The following PRR4 variants were observed in gnomAD, a reference collection of about 807,000 sequenced individuals.
The protein encoded by PRR4 is proline-rich protein 4.
A neutral mutation model predicts 7.6 loss-of-function variants in PRR4; 7 were observed. The observed-to-expected ratio is 0.92, with a 90% confidence interval of 0.52 to 1.73. PRR4 has a LOEUF of 1.73. Among genes scored for constraint, PRR4 ranks in the 40% most tolerant of loss-of-function variants. The pLI is 0.00. For missense variants in PRR4, 187 were observed against 161.0 expected (o/e 1.16, Z -0.87); for synonymous variants, 64 against 58.5 (o/e 1.09, Z -0.43).
chr12:10,847,222 A>G lies in PRR4; in HGVS notation c.246T>C (p.His82=), dbSNP rs1949030776. The G allele has an allele frequency of 6.2e-7, 1 of 1,613,386 alleles. No homozygotes were observed. The highest frequency in any genetic ancestry group is 8.5e-7 in the Non-Finnish European group (1 of 1,179,804). ...RPPKPGGHHR[H]PPPPPFQNQQ... is the part of the protein sequence containing the mutation. ...GATTTTGAAAAGGAGGTGGGGGAGG[A>G]TGGCGGTGATGGCCTCCTGGTTTTG... is the stretch of plus-strand genomic sequence containing the variant. The change falls in exon 3 of 4, where the codon CAT becomes CAC. Residue 82 remains histidine, a synonymous_variant. Transcript: ENST00000228811.
In PRR4 at chr12:10,847,351, A is replaced by C. The variant is rs369308893; in HGVS notation, c.117T>G (p.Ser39Arg). Residue 39 changes from serine (S) to arginine (R), a missense_variant, in exon 3 of 4, where the codon AGT becomes AGG. Transcript: ENST00000228811. ...TFTIPDVEDS[S>R]QRPDQGPQRP... is the part of the protein sequence containing the mutation. Reference sequence around the variant, plus strand: ...TCTGGGGTCCCTGATCTGGTCTCTGACTTGAGTCCTCTACATCTGTGTGAG... The same window carrying C: ...TCTGGGGTCCCTGATCTGGTCTCTGCCTTGAGTCCTCTACATCTGTGTGAG... The C allele has an allele frequency of 6.5e-7, 1 of 1,538,274 alleles. No individual in the cohort carries two copies. Among genetic ancestry groups the C allele is most frequent in the Non-Finnish European group, 8.8e-7 (1 of 1,141,944 alleles).
In PRR4 at chr12:10,848,230, G is replaced by A. The variant is rs568178647; in HGVS notation, c.100+142C>T. On this transcript the variant is annotated intron_variant, in intron 2 of 3. Coordinates refer to ENST00000228811, the MANE Select transcript of PRR4 (RefSeq NM_007244.3). The stretch of plus-strand genomic sequence containing the variant: ...GGTAAGAATTGCCTATATATTTAGG[G>A]GCACTAATATTAATCAATGCCTGAC... 234 of 699,984 alleles carry A rather than the reference G, an allele frequency of 3.3e-4. 3 individuals carry two copies. In the East Asian group the frequency reaches 6.4e-3, roughly 19 times the overall value. 43.4% of individuals were successfully genotyped at this position (699,984 alleles called of 1,614,324 possible).
At position 10,847,151 on chromosome 12, in the gene PRR4, C is replaced by A; in HGVS notation, c.317G>T (p.Arg106Leu). The A allele has an allele frequency of 6.2e-7, 1 of 1,613,260 alleles. No homozygotes were observed. The highest frequency in any genetic ancestry group is 8.5e-7 in the Non-Finnish European group (1 of 1,179,554). ...TTCCTGCAGGCTGACAGAAGGAAAT[C>A]GGGGTAGAGAGAGTTGACGGTGTCC... ...RRGHRQLSLP[R>L]FPSVSLQEAS... Residue 106 changes from arginine (R) to leucine (L), a missense_variant, in exon 3 of 4, where the codon CGA becomes CTA. Transcript: ENST00000228811.
chr12:10,848,325 G>T, intron 2 of PRR4, 47 bp downstream of exon 2: 2 of 1,558,964 alleles, frequency 1.3e-6, no homozygotes, highest in Non-Finnish European at 1.8e-6. Context: ...AGAAATTCTA[G>T]TGGAAAAAGA....
intron 1 of PRR4, chr12:10,848,677 A>G (rs1470353636): frequency 2.6e-6 from 1 of 380,858 alleles, no homozygotes; most frequent in Non-Finnish European, 4.6e-6. Flanking sequence ...ATTTAGGCAC[A>G]CTTCTCTGGG....
rs1379638664 is a variant in PRR4, at chr12:10,845,896, C to A, written c.*73G>T. On this transcript the variant is annotated 3_prime_UTR_variant, in exon 4 of 4. Transcript: ENST00000228811. Reference sequence around the variant, plus strand: ...TGGTATACTGAAGAAAGAGTTATGACCACATTATTTCAATGTCATGGCTTT... The same window carrying A: ...TGGTATACTGAAGAAAGAGTTATGAACACATTATTTCAATGTCATGGCTTT... 2.4e-6 allele frequency: 3 copies of A among 1,276,346 alleles called. No homozygotes were observed. The highest frequency in any genetic ancestry group is 3.1e-5 in the Admixed American group (1 of 32,584). The allele number at this position is 1,276,346 out of a possible 1,614,324, so 79.1% of individuals were successfully genotyped here.
At chr12:10,847,513 T>G (rs1044842884) in intron 2 of PRR4, 146 bp from the exon 3 acceptor site, 1 of 515,518 alleles carries the variant, frequency 1.9e-6, no homozygotes, top group Admixed American at 4.0e-5. Flanking sequence ...CACTGTTTTT[T>G]TTTTCTTTTT....
intron 2 of PRR4, 62 bp downstream of exon 2, chr12:10,848,310 T>G: frequency 6.5e-7 from 1 of 1,532,452 alleles, no homozygotes; most frequent in South Asian, 1.2e-5. Context: ...TGAAGGAAAC[T>G]AAAAAGAAAT....
rs761979207 is a variant in PRR4 at position 10,845,900 on chromosome 12, A to C, written c.*69T>G. 2.3e-6 allele frequency: 3 copies of C among 1,297,712 alleles called. No homozygotes were observed. Among genetic ancestry groups the C allele is most frequent in the Non-Finnish European group, 3.0e-6 (3 of 989,486 alleles). The allele number at this position is 1,297,712 out of a possible 1,614,324, so 80.4% of individuals were successfully genotyped here. On this transcript the variant is annotated 3_prime_UTR_variant, in exon 4 of 4. Coordinates refer to ENST00000228811, the MANE Select transcript of PRR4 (RefSeq NM_007244.3). ...ATACTGAAGAAAGAGTTATGACCAC[A>C]TTATTTCAATGTCATGGCTTTCTGA...
chr12:10,848,335 A>G (rs2227296), intron 2 of PRR4, 37 bp downstream of exon 2: 382,524 of 1,571,928 alleles, frequency 0.24, 47,520 homozygotes, highest in Non-Finnish European at 0.25. Flanking sequence ...GTGGAAAAAG[A>G]AAGAAAAGAA....
In PRR4 at chr12:10,847,425, T is replaced by C; in HGVS notation, c.101-58A>G. On this transcript the variant is annotated intron_variant, in intron 2 of 3. Transcript: ENST00000228811. The stretch of plus-strand genomic sequence containing the variant: ...AGCTCAGTGAAGAAAAACTCTCCTC[T>C]CTTTATACTTCTCTCACCTTACCAC... 3 of 1,309,604 alleles carry C rather than the reference T, an allele frequency of 2.3e-6. No individual in the cohort carries two copies. In the South Asian group the frequency reaches 5.5e-5, roughly 24 times the overall value. The allele number at this position is 1,309,604 out of a possible 1,614,324, so 81.1% of individuals were successfully genotyped here. A position where few individuals can be genotyped will look rare whatever the true frequency, so the allele number is the denominator to read the frequency against.
At position 10,845,913 on chromosome 12, in the gene PRR4, C is replaced by T; in HGVS notation, c.*56G>A. 1 of 1,321,112 alleles carries T rather than the reference C, an allele frequency of 7.6e-7. No individual in the cohort carries two copies. The highest frequency in any genetic ancestry group is 9.9e-7 in the Non-Finnish European group (1 of 1,007,960). 81.8% of individuals were successfully genotyped at this position (1,321,112 alleles called of 1,614,324 possible). Reference sequence around the variant, plus strand: ...AGTTATGACCACATTATTTCAATGTCATGGCTTTCTGAAGGAAGTTATCTT... The same window carrying T: ...AGTTATGACCACATTATTTCAATGTTATGGCTTTCTGAAGGAAGTTATCTT... On this transcript the variant is annotated 3_prime_UTR_variant, in exon 4 of 4. Coordinates refer to ENST00000228811, the MANE Select transcript of PRR4 (RefSeq NM_007244.3).
At position 10,847,111 on chromosome 12, in the gene PRR4, G is replaced by A; in HGVS notation, c.357C>T (p.Phe119=). Reference sequence around the variant, plus strand: ...GATGTCTTGCTGGTCTGTCCCTCTGGAAGAATGATGATGCTTCCTGCAGGC... The same window carrying A: ...GATGTCTTGCTGGTCTGTCCCTCTGAAAGAATGATGATGCTTCCTGCAGGC... ...SVSLQEASSF[F]QRDRPARHPQ... Residue 119 remains phenylalanine, a synonymous_variant, in exon 3 of 4, where the codon TTC becomes TTT. Transcript: ENST00000228811. 1 of 1,611,508 alleles carries A rather than the reference G, an allele frequency of 6.2e-7. No homozygotes were observed. The highest frequency in any genetic ancestry group is 8.5e-7 in the Non-Finnish European group (1 of 1,178,442).
intron 2 of PRR4, 73 bp downstream of exon 2, chr12:10,848,299 C>T (rs1055628165): frequency 3.4e-6 from 5 of 1,471,392 alleles, no homozygotes; most frequent in Non-Finnish European, 4.7e-6. Flanking sequence ...GAAGAAGACA[C>T]TGAAGGAAAC....
At position 10,848,656 on chromosome 12, in the gene PRR4, C is replaced by T. The variant is rs376701876; in HGVS notation, c.65-249G>A. Reference sequence around the variant, plus strand: ...TTTGTCATCCTTAGGATCCCTCAAACCCTAATGCTAATTTAGGCACACTTC... The same window carrying T: ...TTTGTCATCCTTAGGATCCCTCAAATCCTAATGCTAATTTAGGCACACTTC... On this transcript the variant is annotated intron_variant, in intron 1 of 3. Transcript: ENST00000228811. 110 of 399,198 alleles carry T rather than the reference C, an allele frequency of 2.8e-4. No homozygotes were observed. In the Middle Eastern group the frequency reaches 4.5e-3, roughly 16 times the overall value. The allele number at this position is 399,198 out of a possible 1,614,324, so 24.7% of individuals were successfully genotyped here. A position where few individuals can be genotyped will look rare whatever the true frequency, so the allele number is the denominator to read the frequency against.
chr12:10,846,062 A>C (rs1014753955), intron 3 of PRR4, 112 bp from the exon 4 acceptor site: 17 of 747,172 alleles, frequency 2.3e-5, no homozygotes, highest in Non-Finnish European at 2.8e-5. Context: ...AAGATTAAGA[A>C]AACAGATTTT....
intron 1 of PRR4, 60 bp from the exon 2 acceptor site, chr12:10,848,467 G>A: frequency 6.5e-7 from 1 of 1,537,726 alleles, no homozygotes; most frequent in Non-Finnish European, 8.9e-7. Flanking sequence ...AGGGCTCATA[G>A]TGGTCTATAG....
At chr12:10,846,034 A>G in intron 3 of PRR4, 84 bp from the exon 4 acceptor site, 1 of 938,332 alleles carries the variant, frequency 1.1e-6, no homozygotes, top group South Asian at 3.9e-5. Flanking sequence ...GATATTACTG[A>G]AGTAAATTAT....
chr12:10,848,450 A>T (rs1479885262), intron 1 of PRR4, 43 bp from the exon 2 acceptor site: 1 of 1,589,936 alleles, frequency 6.3e-7, no homozygotes, highest in Non-Finnish European at 8.6e-7. Context: ...TACCTCATAA[A>T]TCTTTCAGGG....
Sources: allele counts gnomAD v4.1 joint callset, GRCh38; gene constraint gnomAD v4.1.1; transcripts MANE v1.5; gene names NCBI Gene and HGNC (gene_info 2026-07-23, HGNC 2026-07-21).